The following ZNF410 variants were observed in gnomAD, a reference collection of about 807,000 sequenced individuals.
ZNF410 encodes the protein another partner for ARF 1.
Under a neutral mutation model 54.8 loss-of-function variants are expected in ZNF410, and 18 were observed. The observed-to-expected ratio is 0.33, with a 90% confidence interval of 0.23 to 0.49. ZNF410 has a LOEUF of 0.49. Ranked by LOEUF, ZNF410 falls within the 20% of genes least tolerant of loss-of-function variation. ZNF410 has a pLI of 0.99. For synonymous variants in ZNF410, 191 were observed against 207.3 expected (o/e 0.92, Z 0.68); for missense variants, 405 against 569.6 (o/e 0.71, Z 2.94).
intron 11 of ZNF410, among the ~76,000 whole-genome samples, chr14:73,928,881 C>T (rs970272843): frequency 3.3e-5 from 5 of 152,132 alleles, no homozygotes; most frequent in African/African-American, 4.8e-5. Flanking sequence ...CCCAGGAGTT[C>T]GAGGCTGCAG....
In ZNF410 at chr14:73,932,245, G is replaced by T; in HGVS notation, c.*704G>T. Reference sequence around the variant, plus strand: ...AAAAATTACATGATGCAGAGATTCAGGTTTTCCTTTAAATAAACAAAACAG... The same window carrying T: ...AAAAATTACATGATGCAGAGATTCATGTTTTCCTTTAAATAAACAAAACAG... On this transcript the variant is annotated 3_prime_UTR_variant, in exon 12 of 12. Transcript: ENST00000555044. 3 of 334,440 alleles carry T rather than the reference G, an allele frequency of 9.0e-6. No homozygotes were observed. Among genetic ancestry groups the T allele is most frequent in the Non-Finnish European group, 1.7e-5 (3 of 171,686 alleles). 20.7% of individuals were successfully genotyped at this position (334,440 alleles called of 1,614,324 possible).
At chr14:73,898,375 G>A in intron 5 of ZNF410, 113 bp downstream of exon 5, 1 of 1,134,096 alleles carries the variant, frequency 8.8e-7, no homozygotes, top group Non-Finnish European at 1.3e-6. Flanking sequence ...GAGAGCAGAA[G>A]GCTAGAAATC....
chr14:73,895,973 T>A (rs1832631589), intron 3 of ZNF410, among the ~76,000 whole-genome samples: 1 of 152,146 alleles, frequency 6.6e-6, no homozygotes. Flanking sequence ...TATTCTTGAG[T>A]TAGTATTCAT....
chr14:73,903,394 A>G (rs1301197028), intron 5 of ZNF410, among the ~76,000 whole-genome samples: 2 of 152,202 alleles, frequency 1.3e-5, no homozygotes, highest in Non-Finnish European at 2.9e-5. Context: ...CATTTGTCAA[A>G]GAGGCCTAGT....
intron 5 of ZNF410, among the ~76,000 whole-genome samples, chr14:73,901,362 G>C (rs966885682): frequency 1.3e-5 from 2 of 151,972 alleles, no homozygotes; most frequent in African/African-American, 4.8e-5. Context: ...CTGGAGGTCA[G>C]GAGTTCAAGA....
intron 10 of ZNF410, 21 bp from the exon 11 acceptor site, chr14:73,923,374 C>A (rs775485349): frequency 6.8e-6 from 11 of 1,607,064 alleles, no homozygotes; most frequent in South Asian, 6.7e-5. Context: ...TTCATTGAAA[C>A]ATTTTTCTGT....
chr14:73,893,544 A>G (rs181403906), intron 2 of ZNF410: 505 of 359,782 alleles, frequency 1.4e-3, no homozygotes, highest in African/African-American at 7.3e-3. Flanking sequence ...GGATATTACA[A>G]TCTCACAGGA....
At chr14:73,922,250 A>G in intron 10 of ZNF410, 44 bp downstream of exon 10, 1 of 1,592,844 alleles carries the variant, frequency 6.3e-7, no homozygotes, top group Non-Finnish European at 8.6e-7. Context: ...ATGGGCTGCA[A>G]CTAGGGGCTA....
At position 73,921,466 on chromosome 14, in the gene ZNF410, A is replaced by G. The variant is rs939323159; in HGVS notation, c.1129+361A>G. 5 of 170,616 alleles carry G rather than the reference A, an allele frequency of 2.9e-5. No individual in the cohort carries two copies. The Admixed American group carries it at 3.0e-4, about 10-fold the overall frequency. The allele number at this position is 170,616 out of a possible 1,614,324, so 10.6% of individuals were successfully genotyped here. A position where few individuals can be genotyped will look rare whatever the true frequency, so the allele number is the denominator to read the frequency against. On this transcript the variant is annotated intron_variant, in intron 9 of 11. Coordinates refer to ENST00000555044, the MANE Select transcript of ZNF410 (RefSeq NM_021188.3). Reference sequence around the variant, plus strand: ...TAACACAGTGATAAAAGATTTCCACATGGGAAGAGTTTAAGCTTTTTAATT... The same window carrying G: ...TAACACAGTGATAAAAGATTTCCACGTGGGAAGAGTTTAAGCTTTTTAATT...
intron 8 of ZNF410, chr14:73,920,147 G>A (rs963370396): frequency 3.3e-5 from 5 of 152,026 alleles, no homozygotes; most frequent in Admixed American, 1.3e-4. Context: ...TTCCCCCAAA[G>A]AGGTTTTTGT....
intron 8 of ZNF410, among the ~76,000 whole-genome samples, chr14:73,919,094 C>T (rs1034524146): frequency 3.5e-5 from 5 of 143,586 alleles, no homozygotes; most frequent in African/African-American, 1.3e-4. Context: ...CAACTTCCAC[C>T]TCCTGGGTTC....
intron 11 of ZNF410, among the ~76,000 whole-genome samples, chr14:73,925,004 C>T (rs888462414): frequency 5.9e-5 from 9 of 152,154 alleles, no homozygotes; most frequent in Non-Finnish European, 1.2e-4. Flanking sequence ...ACCTTTATAC[C>T]ACAGTAAGCT....
chr14:73,896,553 T>A lies in ZNF410; in HGVS notation c.388+19T>A, dbSNP rs183535973. ...AGAGCAGGTATTCTTTCCTTTTTTT[T>A]GGGCTCTGCTTATGCCTAAGAAAAA... On this transcript the variant is annotated intron_variant, in intron 4 of 11. Coordinates refer to ENST00000555044, the MANE Select transcript of ZNF410 (RefSeq NM_021188.3). 5.0e-6 allele frequency: 8 copies of A among 1,608,440 alleles called. No homozygotes were observed. In the African/African-American group the frequency reaches 1.1e-4, roughly 22 times the overall value.
intron 8 of ZNF410, among the ~76,000 whole-genome samples, chr14:73,919,128 C>T (rs1163112191): frequency 7.0e-6 from 1 of 142,282 alleles, no homozygotes; most frequent in Non-Finnish European, 1.5e-5. Context: ...GCCTCAACCT[C>T]CCAAGCAGCT....
At chr14:73,920,734 G>C in intron 8 of ZNF410, 1 of 433,794 alleles carries the variant, frequency 2.3e-6, no homozygotes. Flanking sequence ...GTTTTGTGAA[G>C]GCAGCATTAC....
At chr14:73,888,918 T>A (rs1307065955) in intron 1 of ZNF410, among the ~76,000 whole-genome samples, 2 of 152,214 alleles carry the variant, frequency 1.3e-5, no homozygotes, top group Non-Finnish European at 2.9e-5. Flanking sequence ...ACACAAAAAT[T>A]GTATGGTAGT....
chr14:73,900,175 A>G, intron 5 of ZNF410, among the ~76,000 whole-genome samples: 1 of 151,384 alleles, frequency 6.6e-6, no homozygotes, highest in East Asian at 1.9e-4. Context: ...CCTGGGCAAC[A>G]AGAGCGAAAC....
At chr14:73,917,284 C>T (rs987135341) in intron 8 of ZNF410, among the ~76,000 whole-genome samples, 2 of 151,804 alleles carry the variant, frequency 1.3e-5, no homozygotes, top group Non-Finnish European at 2.9e-5. Context: ...GTTTAAATAC[C>T]CTTTAAATCA....
chr14:73,889,798 T>G (rs1179418032), intron 1 of ZNF410, among the ~76,000 whole-genome samples: 3 of 92,102 alleles, frequency 3.3e-5, no homozygotes, highest in Non-Finnish European at 5.3e-5. Flanking sequence ...ATGGTTAGTT[T>G]TTTTTTTTTT....
Sources: gnomAD v4.1 joint callset for allele counts (sites outside exome capture counted in the v4.1 genomes callset) on GRCh38, gnomAD v4.1.1 for gene constraint, MANE v1.5 for transcripts, NCBI Gene and HGNC (gene_info 2026-07-23, HGNC 2026-07-21) for gene names.